Variants in ROBO2 observed in about 807,000 individuals in gnomAD.
ROBO2 encodes roundabout guidance receptor 2.
ROBO2 carries 53 observed loss-of-function variants against 160.8 expected under a neutral mutation model. The ratio of observed to expected loss-of-function variants is 0.33; its 90% CI spans 0.26 to 0.41. The LOEUF (loss-of-function observed/expected upper bound fraction) is 0.41, where lower values mean the gene tolerates loss of function less well. ROBO2 is among the 10% of genes least tolerant of loss of function. ROBO2 has a pLI of 1.00. For missense variants in ROBO2, 1,577 were observed against 1,722.4 expected (o/e 0.92, Z 1.49); for synonymous variants, 664 against 611.7 (o/e 1.09, Z -1.26).
At chr3:76,631,878 G>T (rs1054753390) in intron 2 of ROBO2, among the ~76,000 whole-genome samples, 1 of 152,298 alleles carries the variant, frequency 6.6e-6, no homozygotes, top group South Asian at 2.1e-4. Flanking sequence ...CAACCAGCCA[G>T]CCAGGAAAGA....
At chr3:76,160,712 T>A (rs2072593591) in intron 2 of ROBO2, among the ~76,000 whole-genome samples, 1 of 152,186 alleles carries the variant, frequency 6.6e-6, no homozygotes, top group Non-Finnish European at 1.5e-5. Flanking sequence ...GCAGAATTCA[T>A]GTTGCTATGA....
At chr3:76,610,147 G>T (rs530616221) in intron 2 of ROBO2, among the ~76,000 whole-genome samples, 1 of 152,206 alleles carries the variant, frequency 6.6e-6, no homozygotes, top group African/African-American at 2.4e-5. Flanking sequence ...GTTCATCAAG[G>T]ATATTGGTCT....
chr3:76,036,468 G>T (rs2067112556), intron 2 of ROBO2, among the ~76,000 whole-genome samples: 1 of 150,480 alleles, frequency 6.6e-6, no homozygotes, highest in Non-Finnish European at 1.5e-5. Context: ...TTTTAAATAT[G>T]CTACTTTTTA....
intron 2 of ROBO2, among the ~76,000 whole-genome samples, chr3:76,699,145 A>C (rs533363007): frequency 6.6e-6 from 1 of 152,310 alleles, no homozygotes; most frequent in African/African-American, 2.4e-5. Context: ...TAAGGACTTT[A>C]ACATTGTCAG....
At chr3:75,988,487 A>AT (rs1285392775) in intron 2 of ROBO2, among the ~76,000 whole-genome samples, 2 of 151,530 alleles carry the variant, frequency 1.3e-5, no homozygotes. Context: ...GGTTTCATTG[A>AT]TTTTTCTCTA....
intron 2 of ROBO2, among the ~76,000 whole-genome samples, chr3:76,370,543 A>G (rs2076051993): frequency 6.6e-6 from 1 of 151,978 alleles, no homozygotes; most frequent in Admixed American, 6.6e-5. Flanking sequence ...ACCATCACAA[A>G]TAACCCCATG....
chr3:76,672,018 A>G (rs2092280158), intron 2 of ROBO2, among the ~76,000 whole-genome samples: 1 of 152,114 alleles, frequency 6.6e-6, no homozygotes, highest in Admixed American at 6.6e-5. Flanking sequence ...TAGATTTTAT[A>G]TAATTTGTGA....
At chr3:77,471,139 T>C (rs1405382412) in intron 2 of ROBO2, among the ~76,000 whole-genome samples, 1 of 152,214 alleles carries the variant, frequency 6.6e-6, no homozygotes, top group Admixed American at 6.5e-5. Flanking sequence ...AAATGTATCT[T>C]TCAGAAGTCC....
chr3:76,169,198 T>C (rs1419361610), intron 2 of ROBO2, among the ~76,000 whole-genome samples: 2 of 152,176 alleles, frequency 1.3e-5, no homozygotes, highest in Non-Finnish European at 2.9e-5. Flanking sequence ...CTTCCCACTT[T>C]ATTGATGAGA....
intron 2 of ROBO2, among the ~76,000 whole-genome samples, chr3:76,629,781 G>T (rs570044081): frequency 1.3e-5 from 2 of 152,148 alleles, no homozygotes; most frequent in Non-Finnish European, 2.9e-5. Flanking sequence ...CATCTTTAGA[G>T]AATAAATGTA....
chr3:77,562,289 A>G (rs1464062346), intron 9 of ROBO2, among the ~76,000 whole-genome samples: 4 of 152,104 alleles, frequency 2.6e-5, no homozygotes, highest in East Asian at 1.9e-4. Context: ...ATTCTGAAAG[A>G]GTTCTGTTCT....
intron 2 of ROBO2, among the ~76,000 whole-genome samples, chr3:76,221,085 AAGT>A (rs1703935582): frequency 6.6e-6 from 1 of 152,184 alleles, no homozygotes; most frequent in South Asian, 2.1e-4. Context: ...TTCCATTGAG[AAGT>A]AGTAGTTCAA....
intron 2 of ROBO2, among the ~76,000 whole-genome samples, chr3:76,228,175 C>T (rs1202773010): frequency 6.6e-6 from 1 of 152,036 alleles, no homozygotes; most frequent in African/African-American, 2.4e-5. Flanking sequence ...AAAGGATTCT[C>T]CATAATATTT....
At chr3:76,594,780 C>T (rs901176923) in intron 2 of ROBO2, among the ~76,000 whole-genome samples, 19 of 151,934 alleles carry the variant, frequency 1.3e-4, no homozygotes, top group African/African-American at 4.6e-4. Flanking sequence ...GTCAATACTG[C>T]GAACTTGCTT....
chr3:77,364,618 C>T (rs552018798), intron 2 of ROBO2, among the ~76,000 whole-genome samples: 2 of 152,084 alleles, frequency 1.3e-5, no homozygotes, highest in East Asian at 3.9e-4. Context: ...GCTGATATAA[C>T]CTTGGGCAAA....
intron 2 of ROBO2, among the ~76,000 whole-genome samples, chr3:77,113,359 T>C (rs1251291002): frequency 6.6e-6 from 1 of 152,232 alleles, no homozygotes; most frequent in Non-Finnish European, 1.5e-5. Flanking sequence ...AAGCCTGTTG[T>C]TAAGAAGGAC....
At chr3:76,874,319 T>A (rs141558160) in intron 2 of ROBO2, among the ~76,000 whole-genome samples, 1 of 152,256 alleles carries the variant, frequency 6.6e-6, no homozygotes, top group East Asian at 1.9e-4. Flanking sequence ...AGGGGACAAG[T>A]TTTTCATCTT....
intron 2 of ROBO2, among the ~76,000 whole-genome samples, chr3:76,186,625 C>T (rs1462880776): frequency 6.6e-6 from 1 of 150,858 alleles, no homozygotes; most frequent in East Asian, 1.9e-4. Flanking sequence ...ACTTTTTTTC[C>T]AAATCATCCC....
Position 76,132,398 on chromosome 3 carries a change from G to C in ROBO2, c.109+194796G>C, listed in dbSNP as rs1055807039. On this transcript the variant is annotated intron_variant, in intron 2 of 26. Transcript: ENST00000487694. The stretch of plus-strand genomic sequence containing the variant: ...CCTGCCCAAATTCCAGACTGTTGGG[G>C]GGGGGGGGGGACGCAGATGTTCAGC... Among the ~76,000 whole-genome samples the C allele has an allele frequency of 1.2e-4, 16 of 130,716 alleles. 1 individual carries two copies. The East Asian group carries it at 1.4e-3, about 11-fold the overall frequency. The allele number at this position is 130,716 out of a possible 152,430, so 85.8% of individuals were successfully genotyped here. A position where few individuals can be genotyped will look rare whatever the true frequency, so the allele number is the denominator to read the frequency against.
Sources: allele counts gnomAD v4.1 joint callset (sites outside exome capture counted in the v4.1 genomes callset), GRCh38; gene constraint gnomAD v4.1.1; transcripts MANE v1.5; gene names NCBI Gene and HGNC (gene_info 2026-07-23, HGNC 2026-07-21).